The following MAPRE3 variants were observed in gnomAD, a reference collection of about 807,000 sequenced individuals.
MAPRE3 encodes the protein microtubule associated protein RP/EB family member 3.
A neutral mutation model predicts 30.5 loss-of-function variants in MAPRE3; 2 were observed. The observed-to-expected ratio is 0.07, with a 90% CI of 0.03 to 0.21. MAPRE3 has a LOEUF of 0.21. Ranked by LOEUF, MAPRE3 falls within the 10% of genes least tolerant of loss-of-function variation. The pLI, the probability that MAPRE3 is intolerant of heterozygous loss-of-function variation, is 1.00. For missense variants in MAPRE3, 204 were observed against 351.8 expected (o/e 0.58, Z 3.36); for synonymous variants, 110 against 127.7 (o/e 0.86, Z 0.93).
At chr2:27,025,824 G>A (rs1572777089) in intron 5 of MAPRE3, 56 bp from the exon 6 acceptor site, 4 of 1,613,680 alleles carry the variant, frequency 2.5e-6, no homozygotes, top group Non-Finnish European at 3.4e-6. Flanking sequence ...AGGAGGGCAG[G>A]CAGGGGAACC....
At chr2:26,984,200 G>A (rs1666172255) in intron 1 of MAPRE3, among the ~76,000 whole-genome samples, 1 of 152,118 alleles carries the variant, frequency 6.6e-6, no homozygotes, top group Non-Finnish European at 1.5e-5. Context: ...AATGCCTTTA[G>A]TGTATAGTCA....
rs1481094730 is a variant in MAPRE3, at chr2:26,985,518, G to A, written c.-8+14716G>A. Among the ~76,000 whole-genome samples, 1 of 152,100 alleles carries A rather than the reference G, an allele frequency of 6.6e-6. No homozygotes were observed. The highest frequency in any genetic ancestry group is 1.5e-5 in the Non-Finnish European group (1 of 68,008). On this transcript the variant is annotated intron_variant, in intron 1 of 6. Transcript: ENST00000233121. This position sits in a 1 kb window ranked among gnomAD's most constrained non-coding sequence, Gnocchi z 4.2. Reference sequence around the variant, plus strand: ...CTGTACCATACTGCCATGGCCACAGGGCAACCACCATAACTCAGAGCAACC... The same window carrying A: ...CTGTACCATACTGCCATGGCCACAGAGCAACCACCATAACTCAGAGCAACC...
At position 27,021,232 on chromosome 2, in the gene MAPRE3, T is replaced by A. The variant is rs146586624; in HGVS notation, c.-7-980T>A. ...AGATGTTCTGGAACAAATTCCCTCA[T>A]GAATACCAAGGGACAACGGTATGCA... On this transcript the variant is annotated intron_variant, in intron 1 of 6. Coordinates refer to ENST00000233121, the MANE Select transcript of MAPRE3 (RefSeq NM_012326.4). Among the ~76,000 whole-genome samples the A allele has an allele frequency of 6.3e-3, 957 of 152,278 alleles. 10 individuals carry two copies. Among genetic ancestry groups the A allele is most frequent in the African/African-American group, 0.023 (935 of 41,542 alleles).
chr2:27,010,538 G>T (rs1334988520), intron 1 of MAPRE3, among the ~76,000 whole-genome samples: 1 of 150,846 alleles, frequency 6.6e-6, no homozygotes, highest in Non-Finnish European at 1.5e-5. Context: ...CACCTCCCGG[G>T]TTCAAGCCAT....
chr2:27,025,209 C>G (rs949884879), intron 4 of MAPRE3, among the ~76,000 whole-genome samples: 1 of 152,192 alleles, frequency 6.6e-6, no homozygotes, highest in Non-Finnish European at 1.5e-5. Flanking sequence ...AGACCCTGTG[C>G]CAGCTGCCTT....
At chr2:26,974,081 T>C (rs932454778) in intron 1 of MAPRE3, among the ~76,000 whole-genome samples, 16 of 152,214 alleles carry the variant, frequency 1.1e-4, no homozygotes, top group Non-Finnish European at 1.0e-4. Context: ...AAAAACACTT[T>C]GTAAACTGTG....
chr2:27,014,920 T>A (rs1666948963), intron 1 of MAPRE3: 1 of 152,330 alleles, frequency 6.6e-6, no homozygotes, highest in Admixed American at 6.5e-5. Flanking sequence ...GGGAAACGTG[T>A]TGGCTGGCTC....
At chr2:27,009,174 A>T (rs377287960) in intron 1 of MAPRE3, among the ~76,000 whole-genome samples, 1 of 152,202 alleles carries the variant, frequency 6.6e-6, no homozygotes, top group African/African-American at 2.4e-5. Flanking sequence ...CATGGAGTAT[A>T]TGCCAAAAAA....
At chr2:27,009,875 A>T (rs1276956425) in intron 1 of MAPRE3, 1 of 152,278 alleles carries the variant, frequency 6.6e-6, no homozygotes, top group Non-Finnish European at 1.5e-5. Flanking sequence ...CAGCTCCTGT[A>T]TCTGGAGTTG....
rs1192359625 is a variant in MAPRE3, at chr2:27,027,080, T to G, written c.*732T>G. ...CAGCAGCCTGGTTCACCACACAAAC[T>G]CTGCCTGGACCCCATTGTCTGTCTG... On this transcript the variant is annotated 3_prime_UTR_variant, in exon 7 of 7. Transcript: ENST00000233121. The G allele has an allele frequency of 6.6e-6, 1 of 152,410 alleles. No individual in the cohort carries two copies. Among genetic ancestry groups the G allele is most frequent in the Non-Finnish European group, 1.5e-5 (1 of 68,288 alleles). 9.4% of individuals were successfully genotyped at this position (152,410 alleles called of 1,614,324 possible). A position where few individuals can be genotyped will look rare whatever the true frequency, so the allele number is the denominator to read the frequency against.
intron 1 of MAPRE3, among the ~76,000 whole-genome samples, chr2:26,981,618 G>A (rs1166543706): frequency 1.3e-5 from 2 of 152,168 alleles, no homozygotes; most frequent in East Asian, 1.9e-4. Context: ...CTCAGGAGTC[G>A]AGCTGTGCCT....
At chr2:27,011,682 C>A (rs1666859711) in intron 1 of MAPRE3, 1 of 151,130 alleles carries the variant, frequency 6.6e-6, no homozygotes. Context: ...CTCATCTCTA[C>A]TAAAAATACA....
At chr2:27,005,807 C>A (rs1478907573) in intron 1 of MAPRE3, among the ~76,000 whole-genome samples, 1 of 152,168 alleles carries the variant, frequency 6.6e-6, no homozygotes, top group Non-Finnish European at 1.5e-5. Flanking sequence ...ACCCTACTTG[C>A]TGAGAATTGT....
intron 1 of MAPRE3, among the ~76,000 whole-genome samples, chr2:26,998,696 G>A (rs56286100): frequency 6.6e-6 from 1 of 152,182 alleles, no homozygotes; most frequent in Non-Finnish European, 1.5e-5. Flanking sequence ...TCTCCACACA[G>A]TATTACAGAA....
intron 1 of MAPRE3, among the ~76,000 whole-genome samples, chr2:26,993,802 C>G (rs1357580694): frequency 2.0e-5 from 3 of 152,160 alleles, no homozygotes; most frequent in Non-Finnish European, 4.4e-5. Flanking sequence ...GGTTCTTTAT[C>G]CTACTACTGT....
At chr2:27,018,152 G>A (rs557545444) in intron 1 of MAPRE3, among the ~76,000 whole-genome samples, 56 of 152,158 alleles carry the variant, frequency 3.7e-4, no homozygotes, top group Non-Finnish European at 5.6e-4. Flanking sequence ...TCCCTAAAGT[G>A]GCTCGGAAAC....
intron 1 of MAPRE3, among the ~76,000 whole-genome samples, chr2:27,006,623 G>A (rs1042278964): frequency 6.6e-5 from 10 of 151,938 alleles, no homozygotes; most frequent in Non-Finnish European, 1.2e-4. Flanking sequence ...TTGTAGAGAC[G>A]GGGTCATGCT....
chr2:27,009,631 A>T (rs971389160), intron 1 of MAPRE3: 12 of 152,248 alleles, frequency 7.9e-5, no homozygotes, highest in Admixed American at 7.9e-4. Flanking sequence ...ATAACTCCTT[A>T]ACAATGGCAT....
At chr2:27,001,611 C>T (rs553488928) in intron 1 of MAPRE3, among the ~76,000 whole-genome samples, 56 of 152,208 alleles carry the variant, frequency 3.7e-4, no homozygotes, top group Non-Finnish European at 6.5e-4. Context: ...ATGATTGCAC[C>T]ACTGCACTCC....
Sources: allele counts gnomAD v4.1 joint callset (sites outside exome capture counted in the v4.1 genomes callset), GRCh38; gene constraint gnomAD v4.1.1; non-coding constraint Gnocchi (gnomAD v3.1); transcripts MANE v1.5; gene names NCBI Gene and HGNC (gene_info 2026-07-23, HGNC 2026-07-21).